Variants in PLCL1 observed in about 807,000 individuals in gnomAD.
PLCL1 encodes the protein inactive phospholipase C-like protein 1.
In PLCL1, 41 loss-of-function variants were observed where a neutral mutation model predicts 84.4. That is an observed-to-expected ratio of 0.49 (90% CI 0.38 to 0.63). The LOEUF (loss-of-function observed/expected upper bound fraction) is 0.63, where lower values mean the gene tolerates loss of function less well. PLCL1 is among the 30% of genes least tolerant of loss of function. The pLI, the probability that PLCL1 is intolerant of heterozygous loss-of-function variation, is 0.00. For synonymous variants in PLCL1, 490 were observed against 488.3 expected, an observed-to-expected ratio of 1.00 and a Z score of -0.05; for missense variants, 1,206 against 1,367.8, an observed-to-expected ratio of 0.88 and a Z score of 1.87.
At chr2:197,859,117 G>C (rs1687383018) in intron 1 of PLCL1, among the ~76,000 whole-genome samples, 1 of 152,176 alleles carries the variant, frequency 6.6e-6, no homozygotes, top group Non-Finnish European at 1.5e-5. Flanking sequence ...TCGAAAAGTA[G>C]ATTCCATTGC....
chr2:198,068,808 G>A (rs1574287414), intron 1 of PLCL1, among the ~76,000 whole-genome samples: 1 of 152,262 alleles, frequency 6.6e-6, no homozygotes, highest in East Asian at 1.9e-4. Flanking sequence ...GATCATCTGA[G>A]GTCAGGAGTT....
chr2:197,885,596 C>T (rs1257402115), intron 1 of PLCL1, among the ~76,000 whole-genome samples: 1 of 152,220 alleles, frequency 6.6e-6, no homozygotes, highest in African/African-American at 2.4e-5. Context: ...ACATCCCATG[C>T]AAGGTCCCGT....
In PLCL1 at chr2:197,888,022, G is replaced by A. The variant is rs150683494; in HGVS notation, c.240+82683G>A. ...TAGGGGGATTGTTTGAGCCTGGAAG[G>A]TTGAAGCTGCAGTGAGCTGTGATTG... On this transcript the variant is annotated intron_variant, in intron 1 of 5. Transcript: ENST00000428675. Among the ~76,000 whole-genome samples, 8 of 152,038 alleles carry A rather than the reference G, an allele frequency of 5.3e-5. No individual in the cohort carries two copies. The South Asian group carries it at 1.0e-3, about 20-fold the overall frequency.
chr2:198,013,664 A>G (rs1015918418), intron 1 of PLCL1, among the ~76,000 whole-genome samples: 1 of 152,164 alleles, frequency 6.6e-6, no homozygotes, highest in African/African-American at 2.4e-5. Flanking sequence ...GATTAGACCA[A>G]TTATAGACAA....
chr2:198,115,514 AG>A (rs2105923281), intron 5 of PLCL1, among the ~76,000 whole-genome samples: 1 of 151,948 alleles, frequency 6.6e-6, no homozygotes, highest in South Asian at 2.1e-4. Context: ...CCTGGAACAC[AG>A]GGCTCAGATA....
At chr2:197,981,754 A>T (rs1315365017) in intron 1 of PLCL1, among the ~76,000 whole-genome samples, 1 of 152,212 alleles carries the variant, frequency 6.6e-6, no homozygotes, top group Non-Finnish European at 1.5e-5. Flanking sequence ...AAATCTGTGT[A>T]GAAAGACGTC....
intron 1 of PLCL1, among the ~76,000 whole-genome samples, chr2:198,075,527 C>T (rs7590828): frequency 0.72 from 109,035 of 152,052 alleles, 39,780 homozygotes; most frequent in Middle Eastern, 0.86. Flanking sequence ...CTCATAACTG[C>T]GTACGAAGCA....
At chr2:198,026,763 A>G (rs1691275328) in intron 1 of PLCL1, among the ~76,000 whole-genome samples, 2 of 152,212 alleles carry the variant, frequency 1.3e-5, no homozygotes, top group South Asian at 4.1e-4. Context: ...TATATGAAAA[A>G]ACGCTCAACA....
intron 1 of PLCL1, among the ~76,000 whole-genome samples, chr2:197,980,026 T>C (rs1690070494): frequency 6.6e-6 from 1 of 152,082 alleles, no homozygotes; most frequent in Non-Finnish European, 1.5e-5. Context: ...AATGACAACA[T>C]TGAGGGCAGG....
chr2:197,818,462 C>T (rs1231653851), intron 1 of PLCL1, among the ~76,000 whole-genome samples: 2 of 152,068 alleles, frequency 1.3e-5, no homozygotes, highest in Non-Finnish European at 2.9e-5. Context: ...CCTATTCCTT[C>T]CACTTACCTC....
rs139485087 is a variant in PLCL1, at chr2:197,924,941, T to C, written c.240+119602T>C. 5.8e-4 allele frequency among the ~76,000 whole-genome samples: 89 copies of C among 152,324 alleles called. 4 individuals carry two copies. In the South Asian group the frequency reaches 0.014, roughly 24 times the overall value. ...GAATGCAAATTTCTAGCTGATTCCC[T>C]ACCCATTTGTTGAATAAATTCGGGC... On this transcript the variant is annotated intron_variant, in intron 1 of 5. Transcript: ENST00000428675.
intron 1 of PLCL1, among the ~76,000 whole-genome samples, chr2:198,008,603 T>A (rs1029868661): frequency 1.3e-5 from 2 of 152,030 alleles, no homozygotes; most frequent in African/African-American, 4.8e-5. Flanking sequence ...CTTATTCATC[T>A]GTTGATGGAC....
chr2:198,139,806 A>G (rs528737082), intron 5 of PLCL1, among the ~76,000 whole-genome samples: 1 of 152,316 alleles, frequency 6.6e-6, no homozygotes, highest in African/African-American at 2.4e-5. Context: ...GTCCTCATTA[A>G]TAGCTAAGAG....
chr2:197,865,616 G>T (rs1030659131), intron 1 of PLCL1, among the ~76,000 whole-genome samples: 1 of 151,970 alleles, frequency 6.6e-6, no homozygotes, highest in Admixed American at 6.6e-5. Context: ...CTTTAAAAAA[G>T]CACAAATATA....
At chr2:198,116,601 G>A (rs1262967701) in intron 5 of PLCL1, among the ~76,000 whole-genome samples, 2 of 151,642 alleles carry the variant, frequency 1.3e-5, no homozygotes, top group South Asian at 2.1e-4. Context: ...CAAGAAATAC[G>A]GATCATTATA....
At chr2:198,115,381 G>A (rs1426110581) in intron 5 of PLCL1, among the ~76,000 whole-genome samples, 7 of 151,854 alleles carry the variant, frequency 4.6e-5, no homozygotes, top group African/African-American at 1.7e-4. Flanking sequence ...CCATGTCACA[G>A]ATAAACAAGG....
At position 197,984,457 on chromosome 2, in the gene PLCL1, C is replaced by T. The variant is rs549342845; in HGVS notation, c.241-99301C>T. On this transcript the variant is annotated intron_variant, in intron 1 of 5. Transcript: ENST00000428675. ...GTTGAAGGTACATTGAAAACATTTTCAGTATTAAGAAAATACATTAAAAAT... is the reference window on the plus strand; with the variant it reads ...GTTGAAGGTACATTGAAAACATTTTTAGTATTAAGAAAATACATTAAAAAT... Among the ~76,000 whole-genome samples, 4 of 152,242 alleles carry T rather than the reference C, an allele frequency of 2.6e-5. No homozygotes were observed. In the East Asian group the frequency reaches 5.8e-4, roughly 22 times the overall value.
At chr2:198,059,630 T>G (rs1692145649) in intron 1 of PLCL1, among the ~76,000 whole-genome samples, 3 of 152,068 alleles carry the variant, frequency 2.0e-5, no homozygotes, top group African/African-American at 7.2e-5. Context: ...TGAGAGAGGA[T>G]GGGAGAGTGG....
chr2:197,864,127 G>A (rs550968001), intron 1 of PLCL1, among the ~76,000 whole-genome samples: 1 of 152,224 alleles, frequency 6.6e-6, no homozygotes, highest in Admixed American at 6.5e-5. Context: ...TGATAATAAT[G>A]CCTGATAAAG....
Sources: allele counts gnomAD v4.1 joint callset (sites outside exome capture counted in the v4.1 genomes callset), GRCh38; gene constraint gnomAD v4.1.1; transcripts MANE v1.5; gene names NCBI Gene and HGNC (gene_info 2026-07-23, HGNC 2026-07-21).